CSGALNACT2: variants seen among roughly 807,000 people sequenced by gnomAD.
CSGALNACT2 encodes chondroitin sulfate N-acetylgalactosaminyltransferase 2.
In CSGALNACT2, 35 loss-of-function variants were observed where a neutral mutation model predicts 55.3. The ratio of observed to expected loss-of-function variants is 0.63; its 90% CI spans 0.48 to 0.84. CSGALNACT2 has a LOEUF of 0.84. Ranked by LOEUF, CSGALNACT2 falls within the 40% of genes least tolerant of loss-of-function variation. The probability of loss-of-function intolerance (pLI) is 0.00; values close to 1 mark genes in which losing one functional copy is unlikely to be tolerated. For synonymous variants in CSGALNACT2, 196 were observed against 224.9 expected, an observed-to-expected ratio of 0.87 and a Z score of 1.15; for missense variants, 544 against 657.5, an observed-to-expected ratio of 0.83 and a Z score of 1.89.
chr10:43,175,482 C>T (rs146003857), intron 6 of CSGALNACT2, among the ~76,000 whole-genome samples: 205 of 152,300 alleles, frequency 1.3e-3, no homozygotes, highest in Non-Finnish European at 2.2e-3. Flanking sequence ...TGGGGTGAGA[C>T]TGTCTCACTA....
intron 6 of CSGALNACT2, among the ~76,000 whole-genome samples, chr10:43,173,870 G>A (rs1839429125): frequency 6.6e-6 from 1 of 152,070 alleles, no homozygotes; most frequent in Admixed American, 6.6e-5. Flanking sequence ...GCGCACACCT[G>A]TAATCCCAGC....
chr10:43,184,107 A>T lies in CSGALNACT2; in HGVS notation c.*565A>T, dbSNP rs1041591186. On this transcript the variant is annotated 3_prime_UTR_variant, in exon 8 of 8. Transcript: ENST00000374466. ...AGAAAGGTAGAACTAAAAACTCCTT[A>T]ACTTACTGTTGCTTACACCCCTGAA... is the stretch of plus-strand genomic sequence containing the variant. 6.5e-6 allele frequency: 1 copy of T among 153,576 alleles called. No individual in the cohort carries two copies. The highest frequency in any genetic ancestry group is 1.5e-5 in the Non-Finnish European group (1 of 68,936). The allele number at this position is 153,576 out of a possible 1,614,324, so 9.5% of individuals were successfully genotyped here.
intron 7 of CSGALNACT2, among the ~76,000 whole-genome samples, chr10:43,178,498 G>A (rs1298729985): frequency 2.0e-5 from 3 of 151,870 alleles, no homozygotes; most frequent in African/African-American, 7.3e-5. Context: ...GCAGGCGCCT[G>A]TAGTCCCAGC....
intron 3 of CSGALNACT2, among the ~76,000 whole-genome samples, chr10:43,160,264 A>G (rs1052465423): frequency 6.6e-6 from 1 of 152,232 alleles, no homozygotes; most frequent in Non-Finnish European, 1.5e-5. Flanking sequence ...AGTTCAAAAA[A>G]TGTTTTGAAA....
chr10:43,161,406 A>G (rs1008030868), intron 4 of CSGALNACT2, among the ~76,000 whole-genome samples: 1 of 152,200 alleles, frequency 6.6e-6, no homozygotes, highest in Admixed American at 6.5e-5. Flanking sequence ...CACCAGCTCT[A>G]TATCCTTTAC....
intron 6 of CSGALNACT2, 67 bp from the exon 7 acceptor site, chr10:43,175,884 A>G: frequency 2.2e-6 from 3 of 1,365,312 alleles, no homozygotes; most frequent in East Asian, 2.3e-5. Flanking sequence ...AATTTGTTTC[A>G]TCGTTGATTA....
At chr10:43,167,460 AG>A (rs919373471) in intron 6 of CSGALNACT2, among the ~76,000 whole-genome samples, 2 of 152,248 alleles carry the variant, frequency 1.3e-5, no homozygotes, top group African/African-American at 4.8e-5. Context: ...CTGCTAAATA[AG>A]AGGGAATAGT....
At position 43,155,596 on chromosome 10, in the gene CSGALNACT2, A is replaced by C; in HGVS notation, c.447A>C (p.Glu149Asp). ...GTGAGTATGGGGTCATTCCCTTTGA[A>C]AGTTTTACCTTAATGAAAGTATTTC... ...LPSEYGVIPFESFTLMKVFQL... is the reference protein window; with the variant it reads ...LPSEYGVIPFDSFTLMKVFQL... Residue 149 changes from glutamate (E) to aspartate (D), a missense_variant, in exon 2 of 8, where the codon GAA (glutamate) becomes GAC (aspartate). This residue lies in a region of CSGALNACT2 where 374 missense variants were observed against 401.3 expected (regional missense o/e 0.93). Coordinates refer to ENST00000374466, the MANE Select transcript of CSGALNACT2 (RefSeq NM_018590.5). 6.2e-7 allele frequency: 1 copy of C among 1,614,186 alleles called. No individual in the cohort carries two copies. Among genetic ancestry groups the C allele is most frequent in the Non-Finnish European group, 8.5e-7 (1 of 1,180,034 alleles).
At chr10:43,166,055 C>T (rs1255981650) in intron 5 of CSGALNACT2, among the ~76,000 whole-genome samples, 1 of 152,084 alleles carries the variant, frequency 6.6e-6, no homozygotes, top group Non-Finnish European at 1.5e-5. Context: ...AAATGATTGC[C>T]TTCTTATTAA....
chr10:43,169,363 C>T (rs1173060990), intron 6 of CSGALNACT2, among the ~76,000 whole-genome samples: 1 of 152,102 alleles, frequency 6.6e-6, no homozygotes, highest in Non-Finnish European at 1.5e-5. Context: ...AAAATTAACA[C>T]ATGAGTATAT....
chr10:43,170,388 G>C (rs904167582), intron 6 of CSGALNACT2, among the ~76,000 whole-genome samples: 3 of 152,188 alleles, frequency 2.0e-5, no homozygotes, highest in African/African-American at 7.2e-5. Flanking sequence ...GCATCTTACA[G>C]TGCCAGAAAG....
Position 43,158,849 on chromosome 10 carries a change from G to A in CSGALNACT2, c.796G>A (p.Asp266Asn). The part of the protein sequence containing the change: ...PLMKVKSEMI[D>N]ITRSIINIIV... Reference sequence around the variant, plus strand: ...CATGAAAGTGAAGAGTGAGATGATTGACATCACTAGATCAATTATTAATAT... The same window carrying A: ...CATGAAAGTGAAGAGTGAGATGATTAACATCACTAGATCAATTATTAATAT... Residue 266 changes from aspartate (D) to asparagine (N), a missense_variant, in exon 3 of 8, where the codon GAC becomes AAC. By Grantham distance (23) the Asp-to-Asn change is conservative. Transcript: ENST00000374466. 1.2e-6 allele frequency: 2 copies of A among 1,610,692 alleles called. No individual in the cohort carries two copies. The highest frequency in any genetic ancestry group is 1.7e-6 in the Non-Finnish European group (2 of 1,177,114).
At chr10:43,151,348 T>C (rs1838869561) in intron 1 of CSGALNACT2, among the ~76,000 whole-genome samples, 1 of 152,218 alleles carries the variant, frequency 6.6e-6, no homozygotes, top group African/African-American at 2.4e-5. Flanking sequence ...ATGTGATCCT[T>C]TCAAGTCTTG....
intron 1 of CSGALNACT2, among the ~76,000 whole-genome samples, chr10:43,150,255 T>C (rs1838848201): frequency 6.6e-6 from 1 of 152,232 alleles, no homozygotes; most frequent in Non-Finnish European, 1.5e-5. Flanking sequence ...TAGGATTTTG[T>C]CCATTTTATT....
intron 3 of CSGALNACT2, among the ~76,000 whole-genome samples, chr10:43,159,869 T>C (rs529265064): frequency 1.3e-5 from 2 of 152,368 alleles, no homozygotes; most frequent in African/African-American, 4.8e-5. Flanking sequence ...TAATGCTTTG[T>C]GATCCTAGTC....
At chr10:43,168,468 A>C (rs1006141293) in intron 6 of CSGALNACT2, among the ~76,000 whole-genome samples, 6 of 152,116 alleles carry the variant, frequency 3.9e-5, no homozygotes, top group Non-Finnish European at 7.4e-5. Flanking sequence ...CAAAACAAAA[A>C]AAAGGTGGAA....
intron 6 of CSGALNACT2, among the ~76,000 whole-genome samples, chr10:43,167,568 A>T (rs1311084920): frequency 6.6e-6 from 1 of 152,132 alleles, no homozygotes; most frequent in African/African-American, 2.4e-5. Context: ...AGTTTTTTAA[A>T]ATTTTTAAAT....
At position 43,184,523 on chromosome 10, in the gene CSGALNACT2, CTTTG is replaced by C. The variant is rs1839658103; in HGVS notation, c.*982_*985del. 2.6e-5 allele frequency: 4 copies of C among 152,042 alleles called. No individual in the cohort carries two copies. The highest frequency in any genetic ancestry group is 9.7e-5 in the African/African-American group (4 of 41,396). 9.4% of individuals were successfully genotyped at this position (152,042 alleles called of 1,614,324 possible). On this transcript the variant is annotated 3_prime_UTR_variant, in exon 8 of 8. Coordinates refer to ENST00000374466, the MANE Select transcript of CSGALNACT2 (RefSeq NM_018590.5). ...CATTTGTATTTGCATTACTATAATA[CTTTG>C]AGTTGAAAAAGAGTTTCATTGTGGA...
At chr10:43,144,563 G>T (rs2133090860) in intron 1 of CSGALNACT2, among the ~76,000 whole-genome samples, 1 of 43,578 alleles carries the variant, frequency 2.3e-5, no homozygotes, top group Non-Finnish European at 4.5e-5. Flanking sequence ...CAAACTGGAG[G>T]GGTTTTTTTT....
Sources: allele counts gnomAD v4.1 joint callset (sites outside exome capture counted in the v4.1 genomes callset), GRCh38; gene constraint gnomAD v4.1.1; regional missense constraint gnomAD v4.1.1; transcripts MANE v1.5; gene names NCBI Gene and HGNC (gene_info 2026-07-23, HGNC 2026-07-21).